B4GALNT1: variants seen among roughly 807,000 people sequenced by gnomAD.
B4GALNT1 encodes the protein beta-1,4-N-acetyl-galactosaminyltransferase 1.
B4GALNT1 carries 43 observed loss-of-function variants against 55.2 expected under a neutral mutation model. That is an observed-to-expected ratio of 0.78 (90% CI 0.61 to 1.00). The LOEUF (loss-of-function observed/expected upper bound fraction) is 1.00, where lower values mean the gene tolerates loss of function less well. Among genes scored for constraint, B4GALNT1 ranks in the 50% least tolerant of loss-of-function variants. The probability of loss-of-function intolerance (pLI) is 0.00; values close to 1 mark genes in which losing one functional copy is unlikely to be tolerated. For missense variants in B4GALNT1, 664 were observed against 729.7 expected, an observed-to-expected ratio of 0.91 and a Z score of 1.04; for synonymous variants, 305 against 311.6, an observed-to-expected ratio of 0.98 and a Z score of 0.22.
chr12:57,627,825 C>A lies in B4GALNT1; in HGVS notation c.1177G>T (p.Ala393Ser). The A allele has an allele frequency of 6.3e-7, 1 of 1,590,624 alleles. No individual in the cohort carries two copies. ...GGAVREISGF[A>S]TTYRQLLSVE... is the part of the protein sequence containing the mutation. Reference sequence around the variant, plus strand: ...CTCAGCAGCTGCCGATAAGTGGTGGCAAAGCCGGAGATCTCGCGCACCGCG... The same window carrying A: ...CTCAGCAGCTGCCGATAAGTGGTGGAAAAGCCGGAGATCTCGCGCACCGCG... Residue 393 changes from alanine to serine, a missense_variant, in exon 10 of 11, where the codon GCC becomes TCC. By Grantham distance (99) the Ala-to-Ser change is moderately conservative. Coordinates refer to ENST00000341156, the MANE Select transcript of B4GALNT1 (RefSeq NM_001478.5).
At position 57,629,158 on chromosome 12, in the gene B4GALNT1, G is replaced by C. The variant is rs372274327; in HGVS notation, c.713-12C>G. 6.4e-7 allele frequency: 1 copy of C among 1,566,668 alleles called. No individual in the cohort carries two copies. The highest frequency in any genetic ancestry group is 8.7e-7 in the Non-Finnish European group (1 of 1,152,668). On this transcript the variant is annotated splice_polypyrimidine_tract_variant and intron_variant, in intron 6 of 10. Coordinates refer to ENST00000341156, the MANE Select transcript of B4GALNT1 (RefSeq NM_001478.5). ...GGTGGAGAACCGGACTGGGAAGAAA[G>C]GACATGGCATTTGACCCTGAAGGGT...
chr12:57,627,231 A>C (rs1884877892), intron 10 of B4GALNT1, among the ~76,000 whole-genome samples: 1 of 151,990 alleles, frequency 6.6e-6, no homozygotes, highest in African/African-American at 2.4e-5. Flanking sequence ...GGTCTGAACT[A>C]GGGGAAGCCC....
chr12:57,631,034 G>C lies in B4GALNT1; in HGVS notation c.436C>G (p.Gln146Glu), dbSNP rs1453420969. 1 of 1,613,284 alleles carries C rather than the reference G, an allele frequency of 6.2e-7. No homozygotes were observed. Among genetic ancestry groups the C allele is most frequent in the Non-Finnish European group, 8.5e-7 (1 of 1,179,796 alleles). The change falls in exon 4 of 11, where the codon CAG becomes GAG. Residue 146 changes from glutamine (Q) to glutamate (E), a missense_variant. Coordinates refer to ENST00000341156, the MANE Select transcript of B4GALNT1 (RefSeq NM_001478.5). ...ACTTCCACACCCTGTAGGGGGTACT[G>C]GAGCGGGGAGTTGGCAGGGGCTATG... ...LLIAPANSPL[Q>E]YPLQGVEVQP...
intron 8 of B4GALNT1, 136 bp downstream of exon 8, chr12:57,628,577 G>T: frequency 8.9e-7 from 1 of 1,118,552 alleles, no homozygotes; most frequent in Non-Finnish European, 1.3e-6. Context: ...TTACATTCCA[G>T]GAATCCTCAT....
chr12:57,631,103 G>A lies in B4GALNT1; in HGVS notation c.384-17C>T, dbSNP rs761590702. The A allele has an allele frequency of 6.2e-7, 1 of 1,609,866 alleles. No homozygotes were observed. Among genetic ancestry groups the A allele is most frequent in the Non-Finnish European group, 8.5e-7 (1 of 1,177,964 alleles). ...GACTGGCTCCTGGCAGTGGAGGAAG[G>A]AGAGGACAGAGCAGAGTCGGGGGGA... On this transcript the variant is annotated splice_polypyrimidine_tract_variant and intron_variant, in intron 3 of 10. Transcript: ENST00000341156.
rs1436070263 is a variant in B4GALNT1, at chr12:57,625,433, T to C, written c.*1311A>G. 2 of 1,614,112 alleles carry C rather than the reference T, an allele frequency of 1.2e-6. No homozygotes were observed. The highest frequency in any genetic ancestry group is 1.7e-6 in the Non-Finnish European group (2 of 1,180,000). Reference sequence around the variant, plus strand: ...AGCTGGCCAGCCGATGTCGAGATGCTAGGATCCGCCTCCTCCTGGCTCAGT... The same window carrying C: ...AGCTGGCCAGCCGATGTCGAGATGCCAGGATCCGCCTCCTCCTGGCTCAGT... On this transcript the variant is annotated 3_prime_UTR_variant, in exon 11 of 11. Coordinates refer to ENST00000341156, the MANE Select transcript of B4GALNT1 (RefSeq NM_001478.5).
chr12:57,623,789 G>T lies in B4GALNT1; in HGVS notation c.*2955C>A. 1.3e-6 allele frequency: 2 copies of T among 1,542,176 alleles called. No homozygotes were observed. Among genetic ancestry groups the T allele is most frequent in the South Asian group, 1.1e-5 (1 of 87,850 alleles). Reference sequence around the variant, plus strand: ...CAGGAAGACCAGCTCTCATGTGGGGGTGGGAGGCTCTCTTCCTTTTTTGCT... The same window carrying T: ...CAGGAAGACCAGCTCTCATGTGGGGTTGGGAGGCTCTCTTCCTTTTTTGCT... On this transcript the variant is annotated 3_prime_UTR_variant, in exon 11 of 11. Transcript: ENST00000341156.
Position 57,630,244 on chromosome 12 carries a change from G to C in B4GALNT1, c.620C>G (p.Thr207Ser). 3 of 1,614,226 alleles carry C rather than the reference G, an allele frequency of 1.9e-6. No individual in the cohort carries two copies. The highest frequency in any genetic ancestry group is 2.5e-6 in the Non-Finnish European group (3 of 1,180,028). The part of the protein sequence containing the change: ...TLTGEGQADL[T>S]LVSPGLDQLN... ...TTGGTCCAGCCCTGGGCTGACAAGG[G>C]TGAGATCTGCCTGACCCTCTCCAGT... Residue 207 changes from threonine (T) to serine (S), a missense_variant, in exon 6 of 11, where the codon ACC becomes AGC. Coordinates refer to ENST00000341156, the MANE Select transcript of B4GALNT1 (RefSeq NM_001478.5).
At chr12:57,629,422 A>T in intron 6 of B4GALNT1, 2 of 358,528 alleles carry the variant, frequency 5.6e-6, no homozygotes, top group Admixed American at 4.2e-5. Flanking sequence ...TATCCCCATG[A>T]TAGCCCTATT....
intron 5 of B4GALNT1, 59 bp from the exon 6 acceptor site, chr12:57,630,391 T>TGGCGAA: frequency 6.3e-7 from 1 of 1,598,620 alleles, no homozygotes; most frequent in Non-Finnish European, 8.6e-7. Flanking sequence ...GCCTCCCTGA[T>TGGCGAA]TCGCCCATCC....
rs537771433 is a variant in B4GALNT1 at position 57,625,441 on chromosome 12, G to A, written c.*1303C>T. On this transcript the variant is annotated 3_prime_UTR_variant, in exon 11 of 11. Transcript: ENST00000341156. ...AGCCGATGTCGAGATGCTAGGATCC[G>A]CCTCCTCCTGGCTCAGTGTAATGGT... is the stretch of plus-strand genomic sequence containing the variant. 5.6e-6 allele frequency: 9 copies of A among 1,614,142 alleles called. No homozygotes were observed. The highest frequency in any genetic ancestry group is 2.2e-5 in the South Asian group (2 of 91,078).
chr12:57,631,394 G>C, intron 2 of B4GALNT1, 30 bp from the exon 3 acceptor site: 1 of 1,612,812 alleles, frequency 6.2e-7, no homozygotes, highest in Non-Finnish European at 8.5e-7. Context: ...AGGGTCATCA[G>C]AGCCCAGCTA....
chr12:57,628,924 T>C (rs1885024382), intron 7 of B4GALNT1, 21 bp from the exon 8 acceptor site: 1 of 1,613,678 alleles, frequency 6.2e-7, no homozygotes, highest in African/African-American at 1.3e-5. Context: ...GGGCACAGGG[T>C]TGGGTGCAGA....
rs564841175 is a variant in B4GALNT1 at position 57,626,603 on chromosome 12, G to C, written c.*141C>G. ...CCAGGACAACCCCTACTGGGCATCA[G>C]GTTCTGAAAAGGAAGAGTGAGGAAC... On this transcript the variant is annotated 3_prime_UTR_variant, in exon 11 of 11. Transcript: ENST00000341156. 2 of 979,920 alleles carry C rather than the reference G, an allele frequency of 2.0e-6. No individual in the cohort carries two copies. Among genetic ancestry groups the C allele is most frequent in the South Asian group, 3.0e-5 (2 of 67,312 alleles). 60.7% of individuals were successfully genotyped at this position (979,920 alleles called of 1,614,324 possible). A position where few individuals can be genotyped will look rare whatever the true frequency, so the allele number is the denominator to read the frequency against.
chr12:57,624,552 G>T lies in B4GALNT1; in HGVS notation c.*2192C>A, dbSNP rs762450243. The T allele has an allele frequency of 3.1e-6, 2 of 642,892 alleles. No individual in the cohort carries two copies. Among genetic ancestry groups the T allele is most frequent in the East Asian group, 7.1e-5 (2 of 28,300 alleles). 39.8% of individuals were successfully genotyped at this position (642,892 alleles called of 1,614,324 possible). On this transcript the variant is annotated 3_prime_UTR_variant, in exon 11 of 11. Transcript: ENST00000341156. ...GTAGTGACCCTGAGTGTGGATTTGGGCCTGGCTGTGGGTGTGGTCTTCTCC... is the reference window on the plus strand; with the variant it reads ...GTAGTGACCCTGAGTGTGGATTTGGTCCTGGCTGTGGGTGTGGTCTTCTCC...
At chr12:57,630,038 C>T (rs752287661) in intron 6 of B4GALNT1, 114 bp downstream of exon 6, 2 of 1,583,200 alleles carry the variant, frequency 1.3e-6, no homozygotes, top group Admixed American at 1.8e-5. Context: ...TGTGGCTGGA[C>T]AGCTCTGGCC....
chr12:57,628,941 G>A (rs770974536), intron 7 of B4GALNT1, 38 bp from the exon 8 acceptor site: 7 of 1,612,706 alleles, frequency 4.3e-6, no homozygotes, highest in African/African-American at 2.7e-5. Flanking sequence ...CAGACAAGGA[G>A]GGTTGGGAGA....
rs1341620198 is a variant in B4GALNT1 at position 57,626,906 on chromosome 12, CACG to C, written c.1437_1439del (p.Val481del). 6.2e-7 allele frequency: 1 copy of C among 1,614,180 alleles called. No individual in the cohort carries two copies. The highest frequency in any genetic ancestry group is 1.1e-5 in the South Asian group (1 of 91,088). On this transcript the variant is annotated inframe_deletion, in exon 11 of 11. Transcript: ENST00000341156. ...GCTTCAGTTTGGATGCATGATCCACCACGACGTCGGAGCAGGAGCCAACCCGAA... is the reference window on the plus strand; with the variant it reads ...GCTTCAGTTTGGATGCATGATCCACCACGTCGGAGCAGGAGCCAACCCGAA...
Position 57,627,743 on chromosome 12 carries a change from T to A in B4GALNT1, c.1259A>T (p.His420Leu). ...GNCLRQRRGFHHELVGFPGCV... is the reference protein window; with the variant it reads ...GNCLRQRRGFLHELVGFPGCV... ...GCCTGGGAAGCCGACGAGCTCGTGG[T>A]GGAAGCCGCGCCTTTGCCGGAGGCA... Residue 420 changes from histidine to leucine, a missense_variant, in exon 10 of 11, where the codon CAC becomes CTC. Transcript: ENST00000341156. 6.2e-7 allele frequency: 1 copy of A among 1,609,050 alleles called. No homozygotes were observed. Among genetic ancestry groups the A allele is most frequent in the Non-Finnish European group, 8.5e-7 (1 of 1,177,590 alleles).
Sources: gnomAD v4.1 joint callset for allele counts (sites outside exome capture counted in the v4.1 genomes callset) on GRCh38, gnomAD v4.1.1 for gene constraint, MANE v1.5 for transcripts, NCBI Gene and HGNC (gene_info 2026-07-23, HGNC 2026-07-21) for gene names.